FRMPD1: variants seen among roughly 807,000 people sequenced by gnomAD.
FRMPD1 encodes the protein FERM and PDZ domain-containing protein 1.
FRMPD1 carries 76 observed loss-of-function variants against 117.8 expected under a neutral mutation model. That is an observed-to-expected ratio of 0.65 (90% confidence interval 0.54 to 0.78). FRMPD1 has a LOEUF of 0.78. FRMPD1 is among the 30% of genes least tolerant of loss of function. FRMPD1 has a pLI of 0.00. For missense variants in FRMPD1, 1,786 were observed against 1,964.5 expected, an observed-to-expected ratio of 0.91 and a Z score of 1.72; for synonymous variants, 783 against 770.4, an observed-to-expected ratio of 1.02 and a Z score of -0.27.
chr9:37,705,846 AC>A lies in FRMPD1; in HGVS notation c.102-1569del, dbSNP rs1193848113. Reference sequence around the variant, plus strand: ...CAAAAAATTAACCGGGTGTGGTAGCACGAGCCTGTAGTCCCAGCTACTCAAG... The same window carrying A: ...CAAAAAATTAACCGGGTGTGGTAGCAGAGCCTGTAGTCCCAGCTACTCAAG... On this transcript the variant is annotated intron_variant, in intron 2 of 15. Coordinates refer to ENST00000377765, the MANE Select transcript of FRMPD1 (RefSeq NM_014907.3). 2.6e-5 allele frequency among the ~76,000 whole-genome samples: 4 copies of A among 151,778 alleles called. No homozygotes were observed. The South Asian group carries it at 8.3e-4, about 32-fold the overall frequency.
the FRMPD1 span, among the ~76,000 whole-genome samples, chr9:37,635,578 G>A: frequency 6.6e-6 from 1 of 152,206 alleles, no homozygotes; most frequent in African/African-American, 2.4e-5. Context: ...TGGGAGCGGG[G>A]GGCACCCCAA....
the FRMPD1 span, among the ~76,000 whole-genome samples, chr9:37,607,388 A>G: frequency 6.6e-6 from 1 of 152,178 alleles, no homozygotes; most frequent in Non-Finnish European, 1.5e-5. Flanking sequence ...TAATTGAGCA[A>G]TGACCTCCTC....
chr9:37,678,193 C>T (rs1821594177), intron 1 of FRMPD1, among the ~76,000 whole-genome samples: 1 of 150,866 alleles, frequency 6.6e-6, no homozygotes, highest in South Asian at 2.1e-4. Context: ...CTACCCATGA[C>T]CTCCAGCTTC....
chr9:37,662,727 A>T (rs1378989445), intron 1 of FRMPD1, among the ~76,000 whole-genome samples: 4 of 152,084 alleles, frequency 2.6e-5, no homozygotes, highest in Non-Finnish European at 5.9e-5. Flanking sequence ...AGCAGAGATG[A>T]CCTATGTGAG....
At chr9:37,735,861 A>G in intron 13 of FRMPD1, 127 bp downstream of exon 13, 2 of 661,530 alleles carry the variant, frequency 3.0e-6, no homozygotes, top group Non-Finnish European at 5.0e-6. Context: ...AAGAGGACGA[A>G]TTGTCCATCC....
At chr9:37,707,730 C>T (rs1588945756) in intron 3 of FRMPD1, among the ~76,000 whole-genome samples, 157 bp downstream of exon 3, 2 of 152,374 alleles carry the variant, frequency 1.3e-5, no homozygotes, top group East Asian at 3.9e-4. Context: ...TTGCACCTTA[C>T]TTTGATGCTG....
intron 1 of FRMPD1, among the ~76,000 whole-genome samples, chr9:37,664,620 T>A (rs1821105145): frequency 6.6e-6 from 1 of 152,170 alleles, no homozygotes; most frequent in African/African-American, 2.4e-5. Flanking sequence ...GGTTTCCAGC[T>A]TCATCCGAGG....
chr9:37,656,579 C>G (rs1820850035), intron 1 of FRMPD1, among the ~76,000 whole-genome samples: 1 of 152,204 alleles, frequency 6.6e-6, no homozygotes, highest in Non-Finnish European at 1.5e-5. Flanking sequence ...TGTACTTTTA[C>G]TGTATCCTGA....
the FRMPD1 span, among the ~76,000 whole-genome samples, chr9:37,638,026 C>CTT: frequency 1.3e-4 from 6 of 47,334 alleles, no homozygotes; most frequent in African/African-American, 4.9e-4. Context: ...CTTTCTTTCT[C>CTT]TCTCTTTCTT....
chr9:37,618,775 A>G, the FRMPD1 span, among the ~76,000 whole-genome samples: 2 of 152,060 alleles, frequency 1.3e-5, no homozygotes, highest in Non-Finnish European at 2.9e-5. Flanking sequence ...ACAAAGCATC[A>G]TCTCTCTTTC....
chr9:37,604,827 A>T, the FRMPD1 span, among the ~76,000 whole-genome samples: 1 of 152,222 alleles, frequency 6.6e-6, no homozygotes, highest in African/African-American at 2.4e-5. Flanking sequence ...TGGGCCAAGC[A>T]TTAGGGCCGC....
At chr9:37,718,038 A>G (rs1456495989) in intron 5 of FRMPD1, among the ~76,000 whole-genome samples, 1 of 152,202 alleles carries the variant, frequency 6.6e-6, no homozygotes, top group Non-Finnish European at 1.5e-5. Flanking sequence ...GTTTTAAAGC[A>G]AATTATATAT....
chr9:37,743,520 CTTTTTTTTTTTTTTTTTTTTTTTTTT>C (rs531949141), intron 15 of FRMPD1, among the ~76,000 whole-genome samples: 3 of 40,900 alleles, frequency 7.3e-5, no homozygotes, highest in Admixed American at 3.9e-4. Flanking sequence ...AATGGCTCTG[CTTTTTTTTTTTTTTTTTTTTTTTTTT>C]TTTTTTTTTT....
chr9:37,714,296 C>T (rs961101670), intron 5 of FRMPD1, among the ~76,000 whole-genome samples: 1 of 152,062 alleles, frequency 6.6e-6, no homozygotes, highest in Non-Finnish European at 1.5e-5. Flanking sequence ...GATCTGTTTC[C>T]AAGAAATGAG....
the FRMPD1 span, among the ~76,000 whole-genome samples, chr9:37,618,568 A>T: frequency 2.0e-4 from 30 of 152,300 alleles, no homozygotes; most frequent in African/African-American, 6.7e-4. Flanking sequence ...AATAGCCTAC[A>T]TATTAAGTGT....
At chr9:37,671,287 C>G (rs1284890864) in intron 1 of FRMPD1, among the ~76,000 whole-genome samples, 2 of 152,162 alleles carry the variant, frequency 1.3e-5, no homozygotes, top group African/African-American at 2.4e-5. Context: ...AGTGGTGGCT[C>G]TAATGGGAAT....
At chr9:37,608,833 T>G in the FRMPD1 span, among the ~76,000 whole-genome samples, 1 of 152,242 alleles carries the variant, frequency 6.6e-6, no homozygotes, top group East Asian at 1.9e-4. Flanking sequence ...ACTGAAAGTT[T>G]CACATGGATT....
the FRMPD1 span, among the ~76,000 whole-genome samples, chr9:37,632,662 C>T: frequency 1.3e-5 from 2 of 152,042 alleles, no homozygotes; most frequent in African/African-American, 2.4e-5. Context: ...GCAAAAGTCT[C>T]GGGGAAACAC....
Position 37,732,308 on chromosome 9 carries a change from G to A in FRMPD1, c.863G>A (p.Cys288Tyr), listed in dbSNP as rs1823921928. 1 of 1,613,344 alleles carries A rather than the reference G, an allele frequency of 6.2e-7. No individual in the cohort carries two copies. Among genetic ancestry groups the A allele is most frequent in the Non-Finnish European group, 8.5e-7 (1 of 1,179,960 alleles). ...GCTCTATTTAATCTCTTCTAGAGCT[G>A]CAGCGATGTGCTCCAGGAGCGCTTT... is the stretch of plus-strand genomic sequence containing the variant. ...VAFEYLYLQS[C>Y]SDVLQERFAV... The change falls in exon 10 of 16, where the codon TGC (cysteine) becomes TAC (tyrosine). Residue 288 changes from cysteine to tyrosine, a missense_variant. Coordinates refer to ENST00000377765, the MANE Select transcript of FRMPD1 (RefSeq NM_014907.3).
Sources: allele counts gnomAD v4.1 joint callset (sites outside exome capture counted in the v4.1 genomes callset), GRCh38; gene constraint gnomAD v4.1.1; transcripts MANE v1.5; gene names NCBI Gene and HGNC (gene_info 2026-07-23, HGNC 2026-07-21).